CPA6: variants seen among roughly 807,000 people sequenced by gnomAD.
The protein encoded by CPA6 is carboxypeptidase B.
Under a neutral mutation model 63.3 loss-of-function variants are expected in CPA6, and 58 were observed. That is an observed-to-expected ratio of 0.92 (90% CI 0.74 to 1.14). The LOEUF (loss-of-function observed/expected upper bound fraction) is 1.14. Ranked by LOEUF, CPA6 falls within the 50% of genes most tolerant of loss-of-function variation. The pLI, the probability that CPA6 is intolerant of heterozygous loss-of-function variation, is 0.00. For missense variants in CPA6, 565 were observed against 526.6 expected (o/e 1.07, Z -0.71); for synonymous variants, 185 against 179.0 (o/e 1.03, Z -0.27).
rs567501809 is a variant in CPA6 at position 67,643,803 on chromosome 8, C to T, written c.117-19552G>A. 1.2e-4 allele frequency among the ~76,000 whole-genome samples: 18 copies of T among 152,132 alleles called. No individual in the cohort carries two copies. The South Asian group carries it at 3.5e-3, about 30-fold the overall frequency. ...ATCAAAGAGAAAGAATGACCTAGTA[C>T]CGGTAGAAAATGTAGATTCTCAGGC... On this transcript the variant is annotated intron_variant, in intron 1 of 10. Transcript: ENST00000297770.
chr8:67,465,744 G>C (rs1810911435), intron 8 of CPA6, among the ~76,000 whole-genome samples: 1 of 152,078 alleles, frequency 6.6e-6, no homozygotes, highest in Non-Finnish European at 1.5e-5. Flanking sequence ...CTGTTTATGT[G>C]GTGAATCACA....
intron 3 of CPA6, among the ~76,000 whole-genome samples, chr8:67,516,294 A>G (rs894455602): frequency 2.0e-5 from 3 of 152,106 alleles, no homozygotes; most frequent in Admixed American, 6.5e-5. Context: ...TTTCCTCTCT[A>G]CAGTCTTAAG....
chr8:67,538,887 C>T (rs1812646661), intron 2 of CPA6, among the ~76,000 whole-genome samples: 1 of 152,138 alleles, frequency 6.6e-6, no homozygotes, highest in South Asian at 2.1e-4. Context: ...TCTTGATCTC[C>T]TGACCTCATG....
At chr8:67,652,141 C>T (rs1371443053) in intron 1 of CPA6, among the ~76,000 whole-genome samples, 2 of 152,108 alleles carry the variant, frequency 1.3e-5, no homozygotes, top group African/African-American at 2.4e-5. Flanking sequence ...TTCAGTCTAT[C>T]ATTGTTGGAC....
chr8:67,428,048 C>T lies in CPA6; in HGVS notation c.1125G>A (p.Leu375=), dbSNP rs1406551640. Residue 375 remains leucine (L), a splice_region_variant and synonymous_variant, in exon 10 of 11, where the codon TTG becomes TTA. Coordinates refer to ENST00000297770, the MANE Select transcript of CPA6 (RefSeq NM_020361.5). ...RYRYGPASTT[L]YVSSGSSMDW... is the part of the protein sequence containing the mutation. Reference sequence around the variant, plus strand: ...ACACAATGTACGCAGGAAACTTACACAACGTTGTGGAGGCTGGTCCATATC... The same window carrying T: ...ACACAATGTACGCAGGAAACTTACATAACGTTGTGGAGGCTGGTCCATATC... 5.0e-6 allele frequency: 8 copies of T among 1,603,012 alleles called. No individual in the cohort carries two copies. The highest frequency in any genetic ancestry group is 2.7e-5 in the African/African-American group (2 of 74,598).
intron 2 of CPA6, among the ~76,000 whole-genome samples, chr8:67,596,632 A>G (rs778434264): frequency 5.3e-5 from 8 of 152,158 alleles, no homozygotes; most frequent in Non-Finnish European, 1.2e-4. Context: ...GGATAGTACA[A>G]TCACAAAAAT....
chr8:67,614,316 C>T (rs542695615), intron 2 of CPA6, among the ~76,000 whole-genome samples: 1 of 152,338 alleles, frequency 6.6e-6, no homozygotes, highest in East Asian at 1.9e-4. Context: ...ACATGGTCTG[C>T]AAGGGGGATC....
chr8:67,611,486 CT>C (rs2128985127), intron 2 of CPA6, among the ~76,000 whole-genome samples: 1 of 152,278 alleles, frequency 6.6e-6, no homozygotes, highest in South Asian at 2.1e-4. Context: ...ATTACTTTAT[CT>C]TGTTAATCAC....
chr8:67,667,105 G>A (rs554239539), intron 1 of CPA6, among the ~76,000 whole-genome samples: 1 of 149,110 alleles, frequency 6.7e-6, no homozygotes, highest in African/African-American at 2.5e-5. Flanking sequence ...CTATCATCTG[G>A]CATCTACACA....
intron 2 of CPA6, among the ~76,000 whole-genome samples, chr8:67,562,520 G>A (rs920943307): frequency 2.0e-5 from 3 of 151,900 alleles, no homozygotes; most frequent in African/African-American, 4.9e-5. Context: ...GTGGTTCTAC[G>A]TACAGTTGGT....
intron 1 of CPA6, among the ~76,000 whole-genome samples, chr8:67,682,543 C>T (rs1053031534): frequency 6.6e-6 from 1 of 152,156 alleles, no homozygotes; most frequent in South Asian, 2.1e-4. Flanking sequence ...TATTGTAGCT[C>T]ATATTTTCCT....
rs563909067 is a variant in CPA6 at position 67,571,318 on chromosome 8, C to A, written c.192+52858G>T. ...ATGTAGACAGAAAGTTATTGAGGAACCATTGGACTTGAAGAACTCTTTAGA... is the reference window on the plus strand; with the variant it reads ...ATGTAGACAGAAAGTTATTGAGGAAACATTGGACTTGAAGAACTCTTTAGA... On this transcript the variant is annotated intron_variant, in intron 2 of 10. Transcript: ENST00000297770. Among the ~76,000 whole-genome samples, 4 of 152,238 alleles carry A rather than the reference C, an allele frequency of 2.6e-5. No homozygotes were observed. In the South Asian group the frequency reaches 8.3e-4, roughly 32 times the overall value.
chr8:67,549,924 T>C (rs1587548646), intron 2 of CPA6, among the ~76,000 whole-genome samples: 1 of 152,246 alleles, frequency 6.6e-6, no homozygotes, highest in Non-Finnish European at 1.5e-5. Flanking sequence ...TTGTGGCTAT[T>C]GTAAATAATG....
chr8:67,432,795 AT>A (rs1810057504), intron 9 of CPA6, among the ~76,000 whole-genome samples: 2 of 152,198 alleles, frequency 1.3e-5, no homozygotes, highest in East Asian at 1.9e-4. Context: ...AGGTGATAGT[AT>A]GCAAAGCTCT....
chr8:67,499,553 T>C (rs73264707), intron 6 of CPA6, among the ~76,000 whole-genome samples: 12,487 of 152,178 alleles, frequency 0.082, 1,253 homozygotes, highest in African/African-American at 0.24. Context: ...ATATTACCAT[T>C]AGGGTATTGG....
Position 67,486,168 on chromosome 8 carries a change from C to A in CPA6, c.637-1379G>T, listed in dbSNP as rs182652839. On this transcript the variant is annotated intron_variant, in intron 6 of 10. Transcript: ENST00000297770. ...TGTCAAATAATTTTCTGTTGTTAAACCATCCTTGTATTCCTGGGATAAGCC... is the reference window on the plus strand; with the variant it reads ...TGTCAAATAATTTTCTGTTGTTAAAACATCCTTGTATTCCTGGGATAAGCC... Among the ~76,000 whole-genome samples the A allele has an allele frequency of 3.9e-5, 6 of 152,322 alleles. No homozygotes were observed. In the East Asian group the frequency reaches 9.6e-4, roughly 24 times the overall value.
chr8:67,669,524 AGCT>A (rs1816299626), intron 1 of CPA6, among the ~76,000 whole-genome samples: 2 of 152,246 alleles, frequency 1.3e-5, no homozygotes, highest in South Asian at 4.1e-4. Flanking sequence ...ACAGAATTTA[AGCT>A]GAAGTAACAG....
intron 2 of CPA6, among the ~76,000 whole-genome samples, chr8:67,528,765 TC>T (rs1812417239): frequency 6.6e-6 from 1 of 151,942 alleles, no homozygotes; most frequent in Non-Finnish European, 1.5e-5. Context: ...TGATCCACTG[TC>T]CAATAAAACC....
intron 6 of CPA6, among the ~76,000 whole-genome samples, chr8:67,487,750 C>G (rs1404879961): frequency 1.3e-5 from 2 of 152,208 alleles, no homozygotes; most frequent in African/African-American, 4.8e-5. Flanking sequence ...GATCACCATT[C>G]TAACTGGTGT....
Sources: gnomAD v4.1 joint callset for allele counts (sites outside exome capture counted in the v4.1 genomes callset) on GRCh38, gnomAD v4.1.1 for gene constraint, MANE v1.5 for transcripts, NCBI Gene and HGNC (gene_info 2026-07-23, HGNC 2026-07-21) for gene names.